Variants in GPC5 observed in about 807,000 individuals in gnomAD.
GPC5 encodes glypican 5, also known as glypican-5.
Under a neutral mutation model 53.9 loss-of-function variants are expected in GPC5, and 47 were observed. The ratio of observed to expected loss-of-function variants is 0.87; its 90% CI spans 0.69 to 1.11. The LOEUF (loss-of-function observed/expected upper bound fraction) is 1.11. Among genes scored for constraint, GPC5 ranks in the 50% most tolerant of loss-of-function variants. GPC5 has a pLI of 0.00. For synonymous variants in GPC5, 286 were observed against 263.3 expected (o/e 1.09, Z -0.84); for missense variants, 748 against 713.1 (o/e 1.05, Z -0.56).
chr13:91,964,268 G>A (rs986579594), intron 6 of GPC5, among the ~76,000 whole-genome samples: 6 of 152,166 alleles, frequency 3.9e-5, no homozygotes, highest in Admixed American at 1.3e-4. Context: ...AAAGAACAAA[G>A]CCTCCAAAGG....
At chr13:91,595,441 T>C (rs2032959742) in intron 2 of GPC5, among the ~76,000 whole-genome samples, 1 of 152,218 alleles carries the variant, frequency 6.6e-6, no homozygotes, top group African/African-American at 2.4e-5. Context: ...AGTTTGAAAA[T>C]GTGTTCTAAT....
chr13:92,556,375 T>A (rs1221112630), intron 7 of GPC5, among the ~76,000 whole-genome samples: 1 of 151,840 alleles, frequency 6.6e-6, no homozygotes, highest in East Asian at 1.9e-4. Flanking sequence ...TTCAAAAACA[T>A]TTTTCTACTA....
At chr13:92,681,541 A>T (rs1887110965) in intron 7 of GPC5, among the ~76,000 whole-genome samples, 1 of 152,068 alleles carries the variant, frequency 6.6e-6, no homozygotes, top group African/African-American at 2.4e-5. Context: ...GTGGTTCTGA[A>T]AAGCAAATCT....
At chr13:91,985,350 G>T (rs72633766) in intron 6 of GPC5, among the ~76,000 whole-genome samples, 4,971 of 141,888 alleles carry the variant, frequency 0.035, 189 homozygotes, top group African/African-American at 0.1. Context: ...TCTGATGTTT[G>T]TCTGTGTAAT....
At chr13:92,856,100 A>G (rs1878988229) in intron 7 of GPC5, among the ~76,000 whole-genome samples, 1 of 152,094 alleles carries the variant, frequency 6.6e-6, no homozygotes, top group African/African-American at 2.4e-5. Flanking sequence ...CATAGATGCA[A>G]AAATCCTCAG....
intron 7 of GPC5, among the ~76,000 whole-genome samples, chr13:92,773,277 A>T (rs892078979): frequency 2.6e-5 from 4 of 152,174 alleles, no homozygotes; most frequent in Non-Finnish European, 5.9e-5. Flanking sequence ...TGAACTAATA[A>T]TCTCATAATG....
intron 7 of GPC5, among the ~76,000 whole-genome samples, chr13:92,840,116 T>C (rs1176753799): frequency 7.7e-6 from 1 of 130,456 alleles, no homozygotes; most frequent in Non-Finnish European, 1.6e-5. Context: ...TATATATATA[T>C]ATATATATGA....
chr13:91,839,510 G>T (rs1484858334), intron 5 of GPC5, among the ~76,000 whole-genome samples: 1 of 151,718 alleles, frequency 6.6e-6, no homozygotes, highest in Non-Finnish European at 1.5e-5. Context: ...TTAACAGGTG[G>T]TTAATGTTAT....
intron 7 of GPC5, among the ~76,000 whole-genome samples, chr13:92,469,137 T>A (rs993502168): frequency 6.6e-6 from 1 of 152,174 alleles, no homozygotes; most frequent in Non-Finnish European, 1.5e-5. Context: ...TGTTACTAAT[T>A]TTGTTAAAGA....
At chr13:91,869,613 A>G (rs1344809439) in intron 5 of GPC5, among the ~76,000 whole-genome samples, 1 of 152,096 alleles carries the variant, frequency 6.6e-6, no homozygotes, top group Admixed American at 6.5e-5. Flanking sequence ...TCTTTATCTA[A>G]ACAATGAAAT....
At chr13:92,719,175 C>G (rs1412226293) in intron 7 of GPC5, among the ~76,000 whole-genome samples, 3 of 150,470 alleles carry the variant, frequency 2.0e-5, no homozygotes, top group Non-Finnish European at 4.4e-5. Flanking sequence ...TAGCCCCCCC[C>G]CACATAATGA....
chr13:91,755,781 A>G (rs1156672475), intron 4 of GPC5, among the ~76,000 whole-genome samples: 1 of 152,080 alleles, frequency 6.6e-6, no homozygotes, highest in African/African-American at 2.4e-5. Context: ...GTTCTTAGAT[A>G]CCAAGAAGAC....
intron 2 of GPC5, among the ~76,000 whole-genome samples, chr13:91,474,517 CT>C (rs1882817989): frequency 6.6e-6 from 1 of 152,058 alleles, no homozygotes; most frequent in African/African-American, 2.4e-5. Flanking sequence ...CTTTCCACAT[CT>C]ACCTTTGAGA....
At chr13:91,935,121 T>C (rs2039857600) in intron 6 of GPC5, among the ~76,000 whole-genome samples, 1 of 151,822 alleles carries the variant, frequency 6.6e-6, no homozygotes, top group East Asian at 1.9e-4. Flanking sequence ...GTCGTAACAG[T>C]ACTGTGGATT....
At chr13:92,113,971 C>T (rs1396074602) in intron 6 of GPC5, among the ~76,000 whole-genome samples, 1 of 152,156 alleles carries the variant, frequency 6.6e-6, no homozygotes, top group Non-Finnish European at 1.5e-5. Context: ...TGAAAAACAA[C>T]TCTTCCTTCA....
At chr13:91,702,893 G>T in intron 3 of GPC5, among the ~76,000 whole-genome samples, 1 of 151,990 alleles carries the variant, frequency 6.6e-6, no homozygotes, top group Non-Finnish European at 1.5e-5. Context: ...GGTAGTGGTT[G>T]TGAATGGGAT....
chr13:92,343,333 A>G (rs958891119), intron 7 of GPC5, among the ~76,000 whole-genome samples: 11 of 152,166 alleles, frequency 7.2e-5, no homozygotes, highest in Non-Finnish European at 1.5e-4. Context: ...GTGAGATTCA[A>G]TTGCCCTATA....
At chr13:92,423,490 G>T (rs993224930) in intron 7 of GPC5, among the ~76,000 whole-genome samples, 1 of 152,032 alleles carries the variant, frequency 6.6e-6, no homozygotes, top group Admixed American at 6.6e-5. Flanking sequence ...GTATTAATTT[G>T]TTAATCTCAT....
At chr13:92,348,388 G>A (rs959212491) in intron 7 of GPC5, among the ~76,000 whole-genome samples, 1 of 151,906 alleles carries the variant, frequency 6.6e-6, no homozygotes, top group African/African-American at 2.4e-5. Flanking sequence ...TATAATAATA[G>A]TAAGTATACA....
Sources: allele counts gnomAD v4.1 joint callset (sites outside exome capture counted in the v4.1 genomes callset), GRCh38; gene constraint gnomAD v4.1.1; transcripts MANE v1.5; gene names NCBI Gene and HGNC (gene_info 2026-07-23, HGNC 2026-07-21).